The following BTD variants were observed in gnomAD, a reference collection of about 807,000 sequenced individuals.
BTD encodes the protein biotinidase, also known as biocytinase.
Under a neutral mutation model 17.7 loss-of-function variants are expected in BTD, and 13 were observed. That is an observed-to-expected ratio of 0.74 (90% CI 0.48 to 1.17). BTD has a LOEUF of 1.17. BTD is among the 50% of genes most tolerant of loss of function. The pLI is 0.00. For synonymous variants in BTD, 240 were observed against 245.2 expected (o/e 0.98, Z 0.20); for missense variants, 674 against 650.4 (o/e 1.04, Z -0.39).
chr3:15,614,121 CTTTCTT>C (rs2064719570), intron 1 of BTD, among the ~76,000 whole-genome samples: 1 of 131,726 alleles, frequency 7.6e-6, no homozygotes, highest in African/African-American at 3.3e-5. Context: ...CTCTTTCTTT[CTTTCTT>C]TTTTTTTTTT....
At chr3:15,660,799 C>A (rs761492800) in intron 3 of BTD, among the ~76,000 whole-genome samples, 1 of 152,198 alleles carries the variant, frequency 6.6e-6, no homozygotes, top group African/African-American at 2.4e-5. Flanking sequence ...TATCCCCTGG[C>A]AACCGCTGAT....
At chr3:15,684,088 C>T (rs1397884809) in intron 3 of BTD, 1 of 152,234 alleles carries the variant, frequency 6.6e-6, no homozygotes, top group East Asian at 1.9e-4. Context: ...ATTTTAAAAA[C>T]CTCTAATTTC....
intron 3 of BTD, among the ~76,000 whole-genome samples, chr3:15,661,731 A>G (rs964775865): frequency 5.3e-5 from 8 of 152,156 alleles, no homozygotes; most frequent in African/African-American, 1.9e-4. Context: ...AAGGTCAGGT[A>G]GATTTTCTCC....
chr3:15,618,338 A>G (rs965401418), intron 1 of BTD, among the ~76,000 whole-genome samples: 24 of 152,208 alleles, frequency 1.6e-4, no homozygotes, highest in African/African-American at 5.1e-4. Flanking sequence ...TGTTGAATCT[A>G]TAGATCAAGT....
chr3:15,692,084 G>A (rs2068875930), intron 3 of BTD, among the ~76,000 whole-genome samples: 1 of 149,982 alleles, frequency 6.7e-6, no homozygotes, highest in African/African-American at 2.4e-5. Flanking sequence ...AGGCTGCAGT[G>A]AGCTGGGAAT....
downstream of BTD, among the ~76,000 whole-genome samples, chr3:15,712,821 T>TA (rs1259047636): frequency 6.6e-6 from 1 of 152,224 alleles, no homozygotes; most frequent in African/African-American, 2.4e-5. Context: ...CCTAAATTTC[T>TA]ATCTAGATGG....
intron 1 of BTD, among the ~76,000 whole-genome samples, chr3:15,614,424 T>C (rs9867921): frequency 0.043 from 6,538 of 152,082 alleles, 400 homozygotes; most frequent in African/African-American, 0.14. Context: ...CTCTATTTTC[T>C]CCTTCTGAAA....
At position 15,635,369 on chromosome 3, in the gene BTD, A is replaced by G. The variant is rs1375644935; in HGVS notation, c.-16-55A>G. Reference sequence around the variant, plus strand: ...AATAAATCACAGCTGCAAACGTTAAATTCTTGGCAGGATTCTTTATTCAGC... The same window carrying G: ...AATAAATCACAGCTGCAAACGTTAAGTTCTTGGCAGGATTCTTTATTCAGC... On this transcript the variant is annotated intron_variant, in intron 1 of 3. Coordinates refer to ENST00000643237, the MANE Select transcript of BTD (RefSeq NM_001370658.1). This position sits in a 1 kb window ranked among gnomAD's most constrained non-coding sequence, Gnocchi z 4.1. 6.2e-7 allele frequency: 1 copy of G among 1,612,664 alleles called. No homozygotes were observed. The highest frequency in any genetic ancestry group is 8.5e-7 in the Non-Finnish European group (1 of 1,179,340).
Position 15,635,557 on chromosome 3 carries a change from GC to G in BTD, c.119del (p.Ala40ValfsTer10). The G allele has an allele frequency of 6.2e-7, 1 of 1,614,176 alleles. No homozygotes were observed. The highest frequency in any genetic ancestry group is 8.5e-7 in the Non-Finnish European group (1 of 1,180,044). On this transcript the variant is annotated frameshift_variant, in exon 2 of 4. Transcript: ENST00000643237. LOFTEE classifies it high-confidence loss of function. This position sits in a 1 kb window ranked among gnomAD's most constrained non-coding sequence, Gnocchi z 4.1. ...ADHHEAEYYVAAVYEHPSILS... is the reference protein window; with the variant it reads ...ADHHEAEYYVXAVYEHPSILS... ...CCATCACGAGGCTGAATATTATGTGGCTGCCGTGTATGAGCATCCATCCATC... is the reference window on the plus strand; with the variant it reads ...CCATCACGAGGCTGAATATTATGTGGTGCCGTGTATGAGCATCCATCCATC...
upstream of BTD, chr3:15,601,516 T>C (rs770350695): frequency 1.2e-6 from 2 of 1,609,164 alleles, no homozygotes. Context: ...AGCGGAATCA[T>C]CCAGCAAGGC....
At chr3:15,661,265 CAAAAAAAAAAA>C (rs56165902) in intron 3 of BTD, among the ~76,000 whole-genome samples, 15 of 93,760 alleles carry the variant, frequency 1.6e-4, no homozygotes, top group African/African-American at 4.5e-4. Flanking sequence ...GACTCTGTCT[CAAAAAAAAAAA>C]AAAAAAAAAA....
rs559764178 is a variant in BTD, at chr3:15,618,437, T to C, written c.-17+16543T>C. ...TTCTTTCAACAGAGTTTTGTAGTTT[T>C]TTCATGCAGACCTTAAACATTTTTA... On this transcript the variant is annotated intron_variant, in intron 1 of 3. Transcript: ENST00000643237. Among the ~76,000 whole-genome samples the C allele has an allele frequency of 1.1e-4, 16 of 152,380 alleles. No individual in the cohort carries two copies. In the South Asian group the frequency reaches 2.5e-3, roughly 24 times the overall value.
chr3:15,721,153 T>C (rs2073681068), intron 4 of BTD: 2 of 1,584,408 alleles, frequency 1.3e-6, no homozygotes, highest in Non-Finnish European at 1.7e-6. Flanking sequence ...AAAATGCGAA[T>C]GTTAAAGTAG....
At chr3:15,707,824 A>C (rs2071661325) in intron 3 of BTD, 12 of 1,405,768 alleles carry the variant, frequency 8.5e-6, no homozygotes, top group Admixed American at 4.4e-5. Flanking sequence ...ATCAACAAAA[A>C]ATACAAAGAG....
At chr3:15,695,196 G>A (rs566591150) in intron 3 of BTD, 1 of 1,594,912 alleles carries the variant, frequency 6.3e-7, no homozygotes, top group Non-Finnish European at 8.6e-7. Context: ...ACAACATCTA[G>A]AGGAGTTTCA....
In BTD at chr3:15,707,854, A is replaced by G. The variant is rs1483746270; in HGVS notation, c.400-2206A>G. Reference sequence around the variant, plus strand: ...AAAGAGGAAACACAAATTTGCAACAAAAACATCCATATGGAAGATGCCAGT... The same window carrying G: ...AAAGAGGAAACACAAATTTGCAACAGAAACATCCATATGGAAGATGCCAGT... On this transcript the variant is annotated intron_variant, in intron 3 of 3. Transcript: ENST00000672141. 4 of 1,533,450 alleles carry G rather than the reference A, an allele frequency of 2.6e-6. No individual in the cohort carries two copies. In the East Asian group the frequency reaches 9.2e-5, roughly 35 times the overall value. 95.0% of individuals were successfully genotyped at this position (1,533,450 alleles called of 1,614,324 possible).
chr3:15,662,080 C>T lies in BTD; in HGVS notation c.399+20023C>T, dbSNP rs114862937. On this transcript the variant is annotated intron_variant, in intron 3 of 3. Coordinates refer to the BTD transcript ENST00000672141. The stretch of plus-strand genomic sequence containing the variant: ...GTGTAAGTCCTCTCATTTTATTCGT[C>T]TCCTTCAATATTGTGTTGGCTATTC... Among the ~76,000 whole-genome samples the T allele has an allele frequency of 5.8e-3, 882 of 152,298 alleles. 8 individuals are homozygous for T. Among genetic ancestry groups the T allele is most frequent in the African/African-American group, 0.02 (842 of 41,562 alleles).
At chr3:15,611,237 A>G (rs1008182051) in intron 1 of BTD, among the ~76,000 whole-genome samples, 1 of 152,170 alleles carries the variant, frequency 6.6e-6, no homozygotes, top group Non-Finnish European at 1.5e-5. Flanking sequence ...AGGAAAGCTG[A>G]TGAAACTGGC....
chr3:15,601,610 G>A (rs1375940071), upstream of BTD: 13 of 1,566,278 alleles, frequency 8.3e-6, no homozygotes, highest in East Asian at 7.0e-5. Flanking sequence ...ACAACGGGAA[G>A]GAAGAGGCGG....
Sources: gnomAD v4.1 joint callset for allele counts (sites outside exome capture counted in the v4.1 genomes callset) on GRCh38, gnomAD v4.1.1 for gene constraint, Gnocchi (gnomAD v3.1) non-coding constraint, MANE v1.5 for transcripts, NCBI Gene and HGNC (gene_info 2026-07-23, HGNC 2026-07-21) for gene names.